The following GNG4 variants were observed in gnomAD, a reference collection of about 807,000 sequenced individuals.
GNG4 encodes the protein guanine nucleotide-binding protein G(I)/G(S)/G(O) subunit gamma-4.
A neutral mutation model predicts 5.8 loss-of-function variants in GNG4; 4 were observed. The ratio of observed to expected loss-of-function variants is 0.69; its 90% confidence interval spans 0.34 to 1.57. GNG4 has a LOEUF of 1.57. Among genes scored for constraint, GNG4 ranks in the 40% most tolerant of loss-of-function variants. The pLI, the probability that GNG4 is intolerant of heterozygous loss-of-function variation, is 0.06. For synonymous variants in GNG4, 29 were observed against 32.9 expected (o/e 0.88, Z 0.41); for missense variants, 96 against 95.1 (o/e 1.01, Z -0.04).
chr1:235,586,574 G>C (rs1687764690), intron 2 of GNG4, among the ~76,000 whole-genome samples: 1 of 152,218 alleles, frequency 6.6e-6, no homozygotes, highest in Admixed American at 6.5e-5. Context: ...CCTGGTGGGA[G>C]GTACTGGATC....
rs545810391 is a variant in GNG4, at chr1:235,577,352, C to T, written c.99+6388G>A. On this transcript the variant is annotated intron_variant, in intron 3 of 3. Coordinates refer to ENST00000391854, the MANE Select transcript of GNG4 (RefSeq NM_001098722.2). ...GTTCCCATGCAGCCTGCCCTATCGT[C>T]GTGTGCACATTCACCTGCTAGGCAT... is the stretch of plus-strand genomic sequence containing the variant. Among the ~76,000 whole-genome samples, 57 of 152,308 alleles carry T rather than the reference C, an allele frequency of 3.7e-4. 1 individual carries two copies. The highest frequency in any genetic ancestry group is 1.2e-3 in the African/African-American group (50 of 41,558).
At position 235,649,711 on chromosome 1, in the gene GNG4, G is replaced by A. The variant is rs1657613755; in HGVS notation, c.-172C>T. 6.6e-6 allele frequency: 1 copy of A among 151,836 alleles called. No individual in the cohort carries two copies. The highest frequency in any genetic ancestry group is 2.1e-4 in the South Asian group (1 of 4,834). The allele number at this position is 151,836 out of a possible 1,614,324, so 9.4% of individuals were successfully genotyped here. ...TCGTCTGCAGCGCGGTGCTCGCGGGGGGCGGCCAGGCCGAGCGGCATCGCT... is the reference window on the plus strand; with the variant it reads ...TCGTCTGCAGCGCGGTGCTCGCGGGAGGCGGCCAGGCCGAGCGGCATCGCT... On this transcript the variant is annotated 5_prime_UTR_variant, in exon 1 of 4. Transcript: ENST00000391854. The surrounding 1 kb of genome is among the most constrained non-coding windows in gnomAD (Gnocchi z 5.7).
chr1:235,550,286 G>A lies in GNG4; in HGVS notation c.*1823C>T, dbSNP rs753847469. The A allele has an allele frequency of 3.9e-5, 6 of 152,198 alleles. No homozygotes were observed. Among genetic ancestry groups the A allele is most frequent in the Non-Finnish European group, 8.8e-5 (6 of 68,046 alleles). 9.4% of individuals were successfully genotyped at this position (152,198 alleles called of 1,614,324 possible). ...CTGGAGAATGTGGGAAGTGAAGTGT[G>A]CCACGGGTTACTGCAACAAAGGTGT... On this transcript the variant is annotated 3_prime_UTR_variant, in exon 4 of 4. Transcript: ENST00000391854.
At chr1:235,600,950 C>T (rs968846926) in intron 1 of GNG4, among the ~76,000 whole-genome samples, 14 of 152,226 alleles carry the variant, frequency 9.2e-5, no homozygotes, top group African/African-American at 3.1e-4. Flanking sequence ...GCGGGCACGC[C>T]GTAGCCAGTC....
chr1:235,553,160 C>G (rs1268084319), intron 3 of GNG4, among the ~76,000 whole-genome samples: 1 of 152,186 alleles, frequency 6.6e-6, no homozygotes, highest in East Asian at 1.9e-4. Context: ...TTATCTGAAG[C>G]CTGCTGGCGC....
At chr1:235,650,546 T>C (rs1391854451), upstream of GNG4, 1 of 152,146 alleles carries the variant, frequency 6.6e-6, no homozygotes, top group Admixed American at 6.5e-5. Flanking sequence ...AAACGCGGAA[T>C]ACCTGTGCGA....
At chr1:235,579,436 A>T (rs555445101) in intron 3 of GNG4, among the ~76,000 whole-genome samples, 2,767 of 101,160 alleles carry the variant, frequency 0.027, 102 homozygotes, top group African/African-American at 0.11. Context: ...ATACATTAAT[A>T]AAAAAAAACC....
chr1:235,577,083 ATGCCTTC>A (rs1263469025), intron 3 of GNG4, among the ~76,000 whole-genome samples: 2 of 152,012 alleles, frequency 1.3e-5, no homozygotes, highest in South Asian at 2.1e-4. Flanking sequence ...TGGGCGGCAA[ATGCCTTC>A]TTTTCCTTCC....
At chr1:235,590,123 C>T (rs927191043) in intron 2 of GNG4, among the ~76,000 whole-genome samples, 5 of 152,200 alleles carry the variant, frequency 3.3e-5, no homozygotes, top group African/African-American at 9.7e-5. Flanking sequence ...ACAACATCAA[C>T]AGTCTTCCCT....
At chr1:235,592,177 TGAG>T in intron 2 of GNG4, among the ~76,000 whole-genome samples, 1 of 152,288 alleles carries the variant, frequency 6.6e-6, no homozygotes, top group East Asian at 1.9e-4. Flanking sequence ...GAGGGGGAAC[TGAG>T]GACTCAACTC....
At chr1:235,621,790 C>T (rs1688718602) in intron 1 of GNG4, among the ~76,000 whole-genome samples, 1 of 151,890 alleles carries the variant, frequency 6.6e-6, no homozygotes, top group East Asian at 1.9e-4. Flanking sequence ...GAGCCTCCTG[C>T]CTCAGCCTCC....
chr1:235,638,206 T>C (rs10926321), intron 1 of GNG4, among the ~76,000 whole-genome samples: 79,936 of 151,908 alleles, frequency 0.53, 23,452 homozygotes, highest in East Asian at 0.85. Context: ...GAAATGTGGG[T>C]AATTCCCTTC....
chr1:235,619,954 C>A (rs962144224), intron 1 of GNG4, among the ~76,000 whole-genome samples: 4 of 152,280 alleles, frequency 2.6e-5, no homozygotes, highest in Admixed American at 6.5e-5. Flanking sequence ...AAAAATATAA[C>A]CTTTAACAAA....
chr1:235,572,121 A>G (rs1687358855), intron 3 of GNG4, among the ~76,000 whole-genome samples: 1 of 151,908 alleles, frequency 6.6e-6, no homozygotes, highest in Admixed American at 6.6e-5. Flanking sequence ...CAGAAATGTG[A>G]CTGTACTGAA....
chr1:235,587,415 TGG>T (rs1412887535), intron 2 of GNG4, among the ~76,000 whole-genome samples: 1 of 30,076 alleles, frequency 3.3e-5, no homozygotes, highest in African/African-American at 1.5e-4. Flanking sequence ...GGGTGAGGGG[TGG>T]GGGTGTGTGT....
At chr1:235,603,616 T>C (rs1688300112) in intron 1 of GNG4, among the ~76,000 whole-genome samples, 1 of 152,160 alleles carries the variant, frequency 6.6e-6, no homozygotes, top group Non-Finnish European at 1.5e-5. Context: ...CTTGATACAT[T>C]TTACAGTATG....
chr1:235,579,358 G>A (rs575533102), intron 3 of GNG4, among the ~76,000 whole-genome samples: 294 of 151,446 alleles, frequency 1.9e-3, no homozygotes, highest in Non-Finnish European at 3.2e-3. Context: ...CAGTACTGTC[G>A]TCATGATAGT....
At chr1:235,569,454 T>A (rs1382462512) in intron 3 of GNG4, among the ~76,000 whole-genome samples, 1 of 82,516 alleles carries the variant, frequency 1.2e-5, no homozygotes, top group Non-Finnish European at 2.4e-5. Context: ...GGAGACCGTG[T>A]CTCAAAAAAA....
chr1:235,626,638 A>G (rs1396225445), intron 1 of GNG4, among the ~76,000 whole-genome samples: 2 of 152,102 alleles, frequency 1.3e-5, no homozygotes, highest in Non-Finnish European at 2.9e-5. Context: ...CTTTTCCGTG[A>G]CCATTGCTGC....
Sources: allele counts gnomAD v4.1 joint callset (sites outside exome capture counted in the v4.1 genomes callset), GRCh38; gene constraint gnomAD v4.1.1; non-coding constraint Gnocchi (gnomAD v3.1); transcripts MANE v1.5; gene names NCBI Gene and HGNC (gene_info 2026-07-23, HGNC 2026-07-21).